The following RAF1 variants were observed in gnomAD, a reference collection of about 807,000 sequenced individuals.
RAF1 encodes the protein Raf-1 proto-oncogene, serine/threonine kinase.
In RAF1, 27 loss-of-function variants were observed where a neutral mutation model predicts 81.1. The ratio of observed to expected loss-of-function variants is 0.33; its 90% CI spans 0.25 to 0.46. The LOEUF (loss-of-function observed/expected upper bound fraction) is 0.46, where lower values mean the gene tolerates loss of function less well. RAF1 is among the 20% of genes least tolerant of loss of function. The pLI is 1.00. For synonymous variants in RAF1, 298 were observed against 294.0 expected (o/e 1.01, Z -0.14); for missense variants, 598 against 826.0 (o/e 0.72, Z 3.38).
At position 12,614,647 on chromosome 3, in the gene RAF1, A is replaced by C. The variant is rs7635795; in HGVS notation, c.208-2585T>G. On this transcript the variant is annotated intron_variant, in intron 2 of 17. Transcript: ENST00000442415. ...CACTATATTGCCCAGGCTGGTCTCA[A>C]ACTCCTGGGCTCAAGCAATCCTTCC... Among the ~76,000 whole-genome samples, 1,080 of 152,136 alleles carry C rather than the reference A, an allele frequency of 7.1e-3. 6 individuals carry two copies. Among genetic ancestry groups the C allele is most frequent in the African/African-American group, 0.024 (1,013 of 41,496 alleles).
In RAF1 at chr3:12,618,631, T is replaced by G. The variant is rs1486365900; in HGVS notation, c.91A>C (p.Thr31Pro). ...TGATAGCCAAACTGCTGAACTATTG[T>G]AGGAGAGATGCAGCTGGAGCCATCA... is the stretch of plus-strand genomic sequence containing the variant. Residue 31 changes from threonine to proline, a missense_variant, in exon 2 of 18, where the codon ACA (threonine) becomes CCA (proline). Thr to Pro is a conservative substitution (Grantham distance 38). Coordinates refer to ENST00000442415, the MANE Select transcript of RAF1 (RefSeq NM_001354689.3). 6.2e-7 allele frequency: 1 copy of G among 1,614,208 alleles called. No individual in the cohort carries two copies. Among genetic ancestry groups the G allele is most frequent in the Admixed American group, 1.7e-5 (1 of 60,016 alleles).
At chr3:12,659,451 C>T (rs904804585) in intron 1 of RAF1, among the ~76,000 whole-genome samples, 7 of 38,534 alleles carry the variant, frequency 1.8e-4, no homozygotes, top group Non-Finnish European at 2.6e-4. Context: ...AAAAATTACA[C>T]GCAAGATAAG....
At chr3:12,662,018 CTAT>C (rs1286243488) in intron 1 of RAF1, among the ~76,000 whole-genome samples, 1 of 151,414 alleles carries the variant, frequency 6.6e-6, no homozygotes, top group Non-Finnish European at 1.5e-5. Flanking sequence ...GACCCCCTCT[CTAT>C]TATTTAAAAA....
chr3:12,615,773 CG>C (rs2125444218), intron 2 of RAF1, among the ~76,000 whole-genome samples: 1 of 152,190 alleles, frequency 6.6e-6, no homozygotes, highest in African/African-American at 2.4e-5. Context: ...TCATAGCAGC[CG>C]GGTGCAGTGG....
intron 2 of RAF1, among the ~76,000 whole-genome samples, chr3:12,613,998 C>G (rs1253806911): frequency 6.6e-6 from 1 of 152,168 alleles, no homozygotes; most frequent in Non-Finnish European, 1.5e-5. Flanking sequence ...AAAAAAGTTC[C>G]TTTGGAGTTT....
At chr3:12,611,490 T>TA (rs2059205694) in intron 3 of RAF1, among the ~76,000 whole-genome samples, 2 of 152,116 alleles carry the variant, frequency 1.3e-5, no homozygotes, top group African/African-American at 4.8e-5. Context: ...GTGTTAAAAT[T>TA]ACGGGTATTA....
chr3:12,587,840 T>C, intron 13 of RAF1: 3 of 331,690 alleles, frequency 9.0e-6, no homozygotes, highest in South Asian at 6.9e-5. Flanking sequence ...CTTACACCTT[T>C]TTTTTTTTTT....
chr3:12,592,731 C>CTTTT lies in RAF1; in HGVS notation c.1169-943_1169-940dup, dbSNP rs35189562. Among the ~76,000 whole-genome samples the CTTTT allele has an allele frequency of 3.0e-3, 325 of 107,212 alleles. 5 individuals are homozygous for CTTTT. The highest frequency in any genetic ancestry group is 5.7e-3 in the African/African-American group (151 of 26,602). 70.3% of individuals were successfully genotyped at this position (107,212 alleles called of 152,430 possible). Reference sequence around the variant, plus strand: ...TAGAGTGCTATAAATTTAAAAGCCACTTTTTTTTTTTTTTTTTTTTTTGAG... The same window carrying CTTTT: ...TAGAGTGCTATAAATTTAAAAGCCACTTTTTTTTTTTTTTTTTTTTTTTTTTGAG... On this transcript the variant is annotated intron_variant, in intron 11 of 17. Transcript: ENST00000442415.
Position 12,587,623 on chromosome 3 carries a change from T to C in RAF1, c.1445A>G (p.Lys482Arg). 1 of 1,610,148 alleles carries C rather than the reference T, an allele frequency of 6.2e-7. No homozygotes were observed. Among genetic ancestry groups the C allele is most frequent in the Non-Finnish European group, 8.5e-7 (1 of 1,176,354 alleles). ...TTTCATGTCTCTATGGATGATGTTC[T>C]TTGCATGCAAATAGCTGTGAAGGGA... Residue 482 changes from lysine (K) to arginine (R), a missense_variant, in exon 14 of 18, where the codon AAG (lysine) becomes AGG (arginine). This residue lies in a region of RAF1 where 85 missense variants were observed against 185.6 expected (regional missense o/e 0.46). Coordinates refer to ENST00000442415, the MANE Select transcript of RAF1 (RefSeq NM_001354689.3).
At chr3:12,591,673 C>T (rs2125346617) in intron 12 of RAF1, 35 bp downstream of exon 11, 1 of 1,574,986 alleles carries the variant, frequency 6.3e-7, no homozygotes, top group South Asian at 1.1e-5. Context: ...CACTCCAGCA[C>T]TCCAGAGGGA....
In RAF1 at chr3:12,637,778, G is replaced by A. The variant is rs570812854; in HGVS notation, c.-26-19031C>T. On this transcript the variant is annotated intron_variant, in intron 1 of 17. Transcript: ENST00000442415. ...TGAGGCAGGAAAAGCGCTTGAACCCGAGAGGCAGAGGTTGCAGTGAGCCGA... is the reference window on the plus strand; with the variant it reads ...TGAGGCAGGAAAAGCGCTTGAACCCAAGAGGCAGAGGTTGCAGTGAGCCGA... Among the ~76,000 whole-genome samples, 21 of 152,054 alleles carry A rather than the reference G, an allele frequency of 1.4e-4. No individual in the cohort carries two copies. The Middle Eastern group carries it at 0.01, about 74-fold the overall frequency.
intron 7 of RAF1, 39 bp downstream of exon 7, chr3:12,604,097 T>C: frequency 6.2e-7 from 1 of 1,611,686 alleles, no homozygotes; most frequent in Non-Finnish European, 8.5e-7. Context: ...CTCACCCCAT[T>C]AATTGACTGA....
Position 12,590,959 on chromosome 3 carries a change from C to A in RAF1, c.1269G>T (p.Val423=). Residue 423 remains valine, a synonymous_variant, in exon 13 of 18, where the codon GTG becomes GTT. Coordinates refer to ENST00000442415, the MANE Select transcript of RAF1 (RefSeq NM_001354689.3). Reference sequence around the variant, plus strand: ...TGTACCCCATGAAAAGCAGAATGTTCACATGCCGTGTTTTGCTGGGGAGGG... The same window carrying A: ...TGTACCCCATGAAAAGCAGAATGTTAACATGCCGTGTTTTGCTGGGGAGGG... 1 of 1,610,648 alleles carries A rather than the reference C, an allele frequency of 6.2e-7. No individual in the cohort carries two copies. Among genetic ancestry groups the A allele is most frequent in the South Asian group, 1.1e-5 (1 of 90,946 alleles).
intron 13 of RAF1, 200 bp from the exon 13 acceptor site, chr3:12,587,837 C>CTTTTTTTTTT (rs374515740): frequency 0.019 from 3,711 of 194,504 alleles, 353 homozygotes; most frequent in Non-Finnish European, 0.026. Flanking sequence ...ATGCTTACAC[C>CTTTTTTTTTT]TTTTTTTTTT....
intron 8 of RAF1, among the ~76,000 whole-genome samples, chr3:12,602,721 TAATG>T (rs949633934): frequency 1.3e-5 from 2 of 152,160 alleles, no homozygotes; most frequent in African/African-American, 4.8e-5. Flanking sequence ...GGACTAATCA[TAATG>T]ATAAAGTCAA....
chr3:12,649,377 G>A (rs1265575349), intron 1 of RAF1, among the ~76,000 whole-genome samples: 2 of 152,088 alleles, frequency 1.3e-5, no homozygotes, highest in Non-Finnish European at 1.5e-5. Flanking sequence ...GCAGTAGAAT[G>A]GCTTGAGCCA....
rs1273318755 is a variant in RAF1, at chr3:12,605,889, G to T, written c.680+312C>A. Among the ~76,000 whole-genome samples, 10 of 152,144 alleles carry T rather than the reference G, an allele frequency of 6.6e-5. No individual in the cohort carries two copies. Among genetic ancestry groups the T allele is most frequent in the Admixed American group, 6.5e-4 (10 of 15,278 alleles). On this transcript the variant is annotated intron_variant, in intron 6 of 17. Coordinates refer to ENST00000442415, the MANE Select transcript of RAF1 (RefSeq NM_001354689.3). The stretch of plus-strand genomic sequence containing the variant: ...ATTAAGTTTTAGGACCCTTTCCATT[G>T]AGGTTGAACTCAGTACATACTGAGG...
At chr3:12,635,276 G>A (rs2059982144) in intron 1 of RAF1, among the ~76,000 whole-genome samples, 1 of 132,382 alleles carries the variant, frequency 7.6e-6, no homozygotes, top group South Asian at 2.6e-4. Context: ...CCGGGATCTT[G>A]CCACTGTACT....
intron 1 of RAF1, among the ~76,000 whole-genome samples, chr3:12,662,473 G>C (rs566717876): frequency 6.6e-6 from 1 of 151,102 alleles, no homozygotes; most frequent in Admixed American, 6.6e-5. Flanking sequence ...AACAAAGGGA[G>C]AAAATTATCA....
Sources: gnomAD v4.1 joint callset for allele counts (sites outside exome capture counted in the v4.1 genomes callset) on GRCh38, gnomAD v4.1.1 for gene constraint, gnomAD v4.1.1 regional missense constraint, MANE v1.5 for transcripts, NCBI Gene and HGNC (gene_info 2026-07-23, HGNC 2026-07-21) for gene names.